CRIM1: variants seen among roughly 807,000 people sequenced by gnomAD.
The protein encoded by CRIM1 is cysteine rich transmembrane BMP regulator 1.
CRIM1 carries 32 observed loss-of-function variants against 116.4 expected under a neutral mutation model. The observed-to-expected ratio is 0.27, with a 90% CI of 0.21 to 0.37. The LOEUF is 0.37. Ranked by LOEUF, CRIM1 falls within the 10% of genes least tolerant of loss-of-function variation. CRIM1 has a pLI of 1.00. For synonymous variants in CRIM1, 590 were observed against 509.2 expected, an observed-to-expected ratio of 1.16 and a Z score of -2.13; for missense variants, 1,331 against 1,354.8, an observed-to-expected ratio of 0.98 and a Z score of 0.28.
At chr2:36,518,095 A>G (rs3815552) in intron 12 of CRIM1, among the ~76,000 whole-genome samples, 45,402 of 152,112 alleles carry the variant, frequency 0.3, 7,025 homozygotes, top group Middle Eastern at 0.48. Context: ...GAGTGCTATT[A>G]TTTTCTACTT....
chr2:36,519,024 GC>G (rs1665200168), intron 12 of CRIM1, among the ~76,000 whole-genome samples: 1 of 152,184 alleles, frequency 6.6e-6, no homozygotes, highest in Non-Finnish European at 1.5e-5. Context: ...TAAGAGGTGT[GC>G]CTTGAAAGGG....
intron 2 of CRIM1, among the ~76,000 whole-genome samples, chr2:36,429,735 T>C (rs954123732): frequency 4.6e-5 from 7 of 152,190 alleles, no homozygotes; most frequent in Non-Finnish European, 1.0e-4. Flanking sequence ...CCTGTGAATT[T>C]GTTAGAAGCA....
intron 15 of CRIM1, among the ~76,000 whole-genome samples, chr2:36,544,921 G>C (rs1667212864): frequency 6.6e-6 from 1 of 152,022 alleles, no homozygotes; most frequent in South Asian, 2.1e-4. Flanking sequence ...TCTACTTCTG[G>C]GCAGTTTTCA....
rs896596806 is a variant in CRIM1 at position 36,549,444 on chromosome 2, T to C, written c.*743T>C. 6.6e-6 allele frequency: 1 copy of C among 152,168 alleles called. No individual in the cohort carries two copies. 9.4% of individuals were successfully genotyped at this position (152,168 alleles called of 1,614,324 possible). ...GCAGAGTCAGCACATGAACAAGATC[T>C]AAGTCATTTCTTGATGTGAGCACTG... On this transcript the variant is annotated 3_prime_UTR_variant, in exon 17 of 17. Coordinates refer to ENST00000280527, the MANE Select transcript of CRIM1 (RefSeq NM_016441.3).
Position 36,512,411 on chromosome 2 carries a change from G to T in CRIM1, c.1780+17G>T, listed in dbSNP as rs748667079. 2 of 1,586,698 alleles carry T rather than the reference G, an allele frequency of 1.3e-6. No homozygotes were observed. Among genetic ancestry groups the T allele is most frequent in the Non-Finnish European group, 1.7e-6 (2 of 1,158,968 alleles). On this transcript the variant is annotated intron_variant, in intron 10 of 16. Coordinates refer to ENST00000280527, the MANE Select transcript of CRIM1 (RefSeq NM_016441.3). Reference sequence around the variant, plus strand: ...AGTGCAGAGGTAAGTGTGTACACATGGCCCTTCCCCCTCAAAGCAGCCAGG... The same window carrying T: ...AGTGCAGAGGTAAGTGTGTACACATTGCCCTTCCCCCTCAAAGCAGCCAGG...
intron 13 of CRIM1, among the ~76,000 whole-genome samples, chr2:36,526,121 T>C (rs1012277713): frequency 6.6e-6 from 1 of 152,232 alleles, no homozygotes; most frequent in Admixed American, 6.5e-5. Flanking sequence ...ATTGTTCTAC[T>C]AGAAAGAAAC....
At chr2:36,415,194 C>T (rs900279480) in intron 2 of CRIM1, among the ~76,000 whole-genome samples, 1 of 152,094 alleles carries the variant, frequency 6.6e-6, no homozygotes, top group South Asian at 2.1e-4. Context: ...CTGGCTTGAG[C>T]AGTTGGTACC....
chr2:36,499,351 A>C lies in CRIM1; in HGVS notation c.1501+4A>C. 1 of 1,613,820 alleles carries C rather than the reference A, an allele frequency of 6.2e-7. No individual in the cohort carries two copies. Among genetic ancestry groups the C allele is most frequent in the South Asian group, 1.1e-5 (1 of 90,986 alleles). On this transcript the variant is annotated splice_donor_region_variant and intron_variant, in intron 8 of 16. Transcript: ENST00000280527. Reference sequence around the variant, plus strand: ...CGGACCTGTCAGTGCATAAACAGTGAGTAGACAGAAGACTGTATGTTTTTT... The same window carrying C: ...CGGACCTGTCAGTGCATAAACAGTGCGTAGACAGAAGACTGTATGTTTTTT...
At chr2:36,518,652 A>G (rs1665179924) in intron 12 of CRIM1, among the ~76,000 whole-genome samples, 3 of 152,208 alleles carry the variant, frequency 2.0e-5, no homozygotes, top group African/African-American at 7.2e-5. Context: ...AATTAGCACT[A>G]CAGCTTTTCT....
chr2:36,373,822 G>A (rs1439015152), intron 1 of CRIM1, among the ~76,000 whole-genome samples: 1 of 152,132 alleles, frequency 6.6e-6, no homozygotes, highest in Non-Finnish European at 1.5e-5. Flanking sequence ...TTGCTCACAG[G>A]GTCATGTGCG....
intron 7 of CRIM1, among the ~76,000 whole-genome samples, chr2:36,498,584 A>G (rs571412193): frequency 4.3e-4 from 66 of 152,336 alleles, no homozygotes; most frequent in African/African-American, 1.5e-3. Context: ...CCTTATTCCC[A>G]GCATGGCTGC....
intron 4 of CRIM1, among the ~76,000 whole-genome samples, chr2:36,452,533 A>G (rs1013751841): frequency 2.0e-5 from 3 of 152,182 alleles, no homozygotes; most frequent in African/African-American, 7.2e-5. Flanking sequence ...CCATGTTATT[A>G]TTGGACCTAT....
chr2:36,473,710 T>C (rs1172152546), intron 5 of CRIM1, among the ~76,000 whole-genome samples: 1 of 152,232 alleles, frequency 6.6e-6, no homozygotes, highest in Non-Finnish European at 1.5e-5. Context: ...GAACTTCATT[T>C]CTTTTTATGG....
chr2:36,531,913 A>G (rs562793111), intron 13 of CRIM1: 9 of 471,080 alleles, frequency 1.9e-5, no homozygotes, highest in South Asian at 1.2e-4. Flanking sequence ...CCATGAGGTA[A>G]GCAGCCCCAT....
chr2:36,541,784 G>A (rs1463814953), intron 14 of CRIM1, among the ~76,000 whole-genome samples: 1 of 152,150 alleles, frequency 6.6e-6, no homozygotes, highest in East Asian at 1.9e-4. Flanking sequence ...CCCTGGCACT[G>A]TCCATCTGTA....
At chr2:36,399,341 A>T (rs13419520) in intron 2 of CRIM1, among the ~76,000 whole-genome samples, 26,286 of 152,212 alleles carry the variant, frequency 0.17, 2,936 homozygotes, top group African/African-American at 0.32. Flanking sequence ...AATGGCAGTC[A>T]AGAGGCTCGT....
intron 2 of CRIM1, among the ~76,000 whole-genome samples, chr2:36,437,929 C>G (rs1410972096): frequency 6.6e-6 from 1 of 151,864 alleles, no homozygotes; most frequent in Non-Finnish European, 1.5e-5. Context: ...ATCAGAAGAT[C>G]GAGACCAGCC....
rs1558492503 is a variant in CRIM1 at position 36,356,690 on chromosome 2, G to A, written c.331+67G>A. On this transcript the variant is annotated intron_variant, in intron 1 of 16. Coordinates refer to ENST00000280527, the MANE Select transcript of CRIM1 (RefSeq NM_016441.3). This position sits in a 1 kb window ranked among gnomAD's most constrained non-coding sequence, Gnocchi z 4.3. ...CCGCCCCCTCGGCGCTGGTTGTGCCGAACAAAGTTTGGGCGAGACTTTCTG... is the reference window on the plus strand; with the variant it reads ...CCGCCCCCTCGGCGCTGGTTGTGCCAAACAAAGTTTGGGCGAGACTTTCTG... The A allele has an allele frequency of 9.4e-6, 14 of 1,484,464 alleles. No homozygotes were observed. The highest frequency in any genetic ancestry group is 6.3e-6 in the Non-Finnish European group (7 of 1,104,942). 92.0% of individuals were successfully genotyped at this position (1,484,464 alleles called of 1,614,324 possible). A position where few individuals can be genotyped will look rare whatever the true frequency, so the allele number is the denominator to read the frequency against.
rs557554635 is a variant in CRIM1 at position 36,426,375 on chromosome 2, A to T, written c.506-14883A>T. 7.9e-5 allele frequency among the ~76,000 whole-genome samples: 12 copies of T among 152,302 alleles called. No homozygotes were observed. The Middle Eastern group carries it at 0.014, about 173-fold the overall frequency. On this transcript the variant is annotated intron_variant, in intron 2 of 16. Transcript: ENST00000280527. Reference sequence around the variant, plus strand: ...TCTTGAAGGTCATTTGAGATGTCTCAAGTCTCTTATTTAAGTCTTTGAGAT... The same window carrying T: ...TCTTGAAGGTCATTTGAGATGTCTCTAGTCTCTTATTTAAGTCTTTGAGAT...
Sources: gnomAD v4.1 joint callset for allele counts (sites outside exome capture counted in the v4.1 genomes callset) on GRCh38, gnomAD v4.1.1 for gene constraint, Gnocchi (gnomAD v3.1) non-coding constraint, MANE v1.5 for transcripts, NCBI Gene and HGNC (gene_info 2026-07-23, HGNC 2026-07-21) for gene names.